Variants in WRNIP1 observed in about 807,000 individuals in gnomAD.
The protein encoded by WRNIP1 is ATPase WRNIP1.
Under a neutral mutation model 56.1 loss-of-function variants are expected in WRNIP1, and 41 were observed. The ratio of observed to expected loss-of-function variants is 0.73; its 90% confidence interval spans 0.57 to 0.95. The LOEUF is 0.95. WRNIP1 is among the 40% of genes least tolerant of loss of function. WRNIP1 has a pLI of 0.00. For synonymous variants in WRNIP1, 547 were observed against 398.1 expected (o/e 1.37, Z -4.45); for missense variants, 1,170 against 939.4 (o/e 1.25, Z -3.21).
At position 2,770,139 on chromosome 6, in the gene WRNIP1, T is replaced by G; in HGVS notation, c.1034T>G (p.Val345Gly). 6.2e-7 allele frequency: 1 copy of G among 1,614,212 alleles called. No homozygotes were observed. The highest frequency in any genetic ancestry group is 8.5e-7 in the Non-Finnish European group (1 of 1,180,016). ...KSQQDTFLPH[V>G]ECGTITLIGA... ...GATTAGGACACTTTCCTTCCTCACG[T>G]GGAATGTGGGACGATCACTCTGATT... Residue 345 changes from valine (V) to glycine (G), a missense_variant, in exon 3 of 7, where the codon GTG becomes GGG. Coordinates refer to ENST00000380773, the MANE Select transcript of WRNIP1 (RefSeq NM_020135.3).
At chr6:2,780,739 C>T (rs1192453842) in intron 4 of WRNIP1, among the ~76,000 whole-genome samples, 2 of 152,068 alleles carry the variant, frequency 1.3e-5, no homozygotes, top group African/African-American at 4.8e-5. Context: ...CTCACCATGC[C>T]GGGATCGCCA....
chr6:2,780,440 C>A (rs1327134765), intron 4 of WRNIP1, among the ~76,000 whole-genome samples: 1 of 152,146 alleles, frequency 6.6e-6, no homozygotes, highest in African/African-American at 2.4e-5. Context: ...CTGACCAAAG[C>A]TTTTTGGCTT....
chr6:2,783,020 A>C (rs908552518), intron 4 of WRNIP1, among the ~76,000 whole-genome samples: 3 of 152,142 alleles, frequency 2.0e-5, no homozygotes, highest in African/African-American at 7.2e-5. Flanking sequence ...GAGCAGGCCC[A>C]CCGTTGCTTT....
At chr6:2,780,709 T>C (rs1205586903) in intron 4 of WRNIP1, among the ~76,000 whole-genome samples, 2 of 152,156 alleles carry the variant, frequency 1.3e-5, no homozygotes, top group Admixed American at 6.5e-5. Context: ...AGAAAAAAGA[T>C]TTTAAGACAT....
Position 2,766,112 on chromosome 6 carries a change from G to A in WRNIP1, c.490G>A (p.Glu164Lys), listed in dbSNP as rs1764958149. ...CAGCTGGGACGAGGCGGAGGCGCAG[G>A]AGGAGGAGGAGGCCGTGGGCGACGG... The part of the protein sequence containing the change: ...PRSWDEAEAQ[E>K]EEEAVGDGDG... Residue 164 changes from glutamate to lysine, a missense_variant, in exon 1 of 7, where the codon GAG becomes AAG. Physicochemically the swap from Glu to Lys is moderately conservative, Grantham distance 56. Transcript: ENST00000380773. 3 of 1,307,640 alleles carry A rather than the reference G, an allele frequency of 2.3e-6. No homozygotes were observed. The highest frequency in any genetic ancestry group is 2.9e-6 in the Non-Finnish European group (3 of 1,034,760). The allele number at this position is 1,307,640 out of a possible 1,614,324, so 81.0% of individuals were successfully genotyped here. A position where few individuals can be genotyped will look rare whatever the true frequency, so the allele number is the denominator to read the frequency against.
At chr6:2,782,465 G>A (rs1561916675) in intron 4 of WRNIP1, among the ~76,000 whole-genome samples, 2 of 152,212 alleles carry the variant, frequency 1.3e-5, no homozygotes, top group South Asian at 2.1e-4. Flanking sequence ...TCTTACCAGC[G>A]AGCTCAGCTG....
chr6:2,765,954 A>G lies in WRNIP1; in HGVS notation c.332A>G (p.Tyr111Cys). ...GGCGAGACCGAGAGCCGCGAGAGCT[A>G]CGACGCGCCGCCCACACCCAGCGGC... is the stretch of plus-strand genomic sequence containing the variant. ...DGGETESRES[Y>C]DAPPTPSGAR... is the part of the protein sequence containing the mutation. Residue 111 changes from tyrosine (Y) to cysteine (C), a missense_variant, in exon 1 of 7, where the codon TAC becomes TGC. Transcript: ENST00000380773. 7.0e-7 allele frequency: 1 copy of G among 1,433,232 alleles called. No individual in the cohort carries two copies. The allele number at this position is 1,433,232 out of a possible 1,614,324, so 88.8% of individuals were successfully genotyped here.
intron 1 of WRNIP1, among the ~76,000 whole-genome samples, chr6:2,766,892 T>TGTG (rs1765031640): frequency 6.6e-6 from 1 of 152,232 alleles, no homozygotes; most frequent in Non-Finnish European, 1.5e-5. Flanking sequence ...TTAATTCTGT[T>TGTG]GTGCTTCCTT....
intron 5 of WRNIP1, 24 bp from the exon 6 acceptor site, chr6:2,784,300 C>G: frequency 1.2e-6 from 2 of 1,608,246 alleles, no homozygotes; most frequent in Non-Finnish European, 1.7e-6. Context: ...GACTGAAACT[C>G]TCCTTTGTCT....
rs1764926545 is a variant in WRNIP1 at position 2,765,813 on chromosome 6, C to T, written c.191C>T (p.Pro64Leu). 1.5e-6 allele frequency: 2 copies of T among 1,355,406 alleles called. No individual in the cohort carries two copies. Among genetic ancestry groups the T allele is most frequent in the South Asian group, 1.8e-5 (1 of 55,676 alleles). The allele number at this position is 1,355,406 out of a possible 1,614,324, so 84.0% of individuals were successfully genotyped here. ...SHRAGERAKG[P>L]SPPGAKRRRL... is the part of the protein sequence containing the mutation. ...CGCGCCGGGGAGCGGGCCAAGGGGC[C>T]CTCGCCGCCCGGCGCCAAGAGGCGG... The change falls in exon 1 of 7, where the codon CCC (proline) becomes CTC (leucine). Residue 64 changes from proline to leucine, a missense_variant. Transcript: ENST00000380773.
rs751887624 is a variant in WRNIP1 at position 2,765,745 on chromosome 6, G to C, written c.123G>C (p.Leu41=). Residue 41 remains leucine, a synonymous_variant, in exon 1 of 7, where the codon CTG becomes CTC. Transcript: ENST00000380773. ...HINSHLDRCL[L]LHPAGHAEPA... ...ACTCGCACCTGGACCGCTGTCTGCT[G>C]CTCCACCCGGCGGGGCACGCGGAGC... 1 of 1,507,176 alleles carries C rather than the reference G, an allele frequency of 6.6e-7. No homozygotes were observed. Among genetic ancestry groups the C allele is most frequent in the Non-Finnish European group, 8.8e-7 (1 of 1,134,652 alleles). The allele number at this position is 1,507,176 out of a possible 1,614,324, so 93.4% of individuals were successfully genotyped here. A position where few individuals can be genotyped will look rare whatever the true frequency, so the allele number is the denominator to read the frequency against.
At position 2,783,565 on chromosome 6, in the gene WRNIP1, A is replaced by T; in HGVS notation, c.1642+4A>T. On this transcript the variant is annotated splice_donor_region_variant and intron_variant, in intron 5 of 6. Coordinates refer to ENST00000380773, the MANE Select transcript of WRNIP1 (RefSeq NM_020135.3). Reference sequence around the variant, plus strand: ...AGGTTTGCCAGCGAGGACATAGGTGAGTGTGATGGGAGGGTCCCGGAGTCC... The same window carrying T: ...AGGTTTGCCAGCGAGGACATAGGTGTGTGTGATGGGAGGGTCCCGGAGTCC... The T allele has an allele frequency of 6.9e-7, 1 of 1,452,612 alleles. No individual in the cohort carries two copies. The highest frequency in any genetic ancestry group is 3.2e-5 in the East Asian group (1 of 31,038). The allele number at this position is 1,452,612 out of a possible 1,614,324, so 90.0% of individuals were successfully genotyped here. A position where few individuals can be genotyped will look rare whatever the true frequency, so the allele number is the denominator to read the frequency against.
intron 2 of WRNIP1, among the ~76,000 whole-genome samples, 165 bp from the exon 3 acceptor site, chr6:2,769,955 T>TC (rs1332945586): frequency 6.6e-6 from 1 of 152,124 alleles, no homozygotes; most frequent in African/African-American, 2.4e-5. Flanking sequence ...AGAGTTGTAC[T>TC]CCCCCAAATA....
Position 2,770,128 on chromosome 6 carries a change from C to T in WRNIP1, c.1023C>T (p.Phe341=). 1.2e-6 allele frequency: 2 copies of T among 1,614,230 alleles called. No individual in the cohort carries two copies. The highest frequency in any genetic ancestry group is 1.7e-6 in the Non-Finnish European group (2 of 1,180,048). ...TTTCCTCCCATGATTAGGACACTTTCCTTCCTCACGTGGAATGTGGGACGA... is the reference window on the plus strand; with the variant it reads ...TTTCCTCCCATGATTAGGACACTTTTCTTCCTCACGTGGAATGTGGGACGA... ...HRFNKSQQDT[F]LPHVECGTIT... Residue 341 remains phenylalanine, a synonymous_variant, in exon 3 of 7, where the codon TTC becomes TTT. Coordinates refer to ENST00000380773, the MANE Select transcript of WRNIP1 (RefSeq NM_020135.3).
At position 2,778,994 on chromosome 6, in the gene WRNIP1, GTC is replaced by G. The variant is rs1229187332; in HGVS notation, c.1257-267_1257-266del. On this transcript the variant is annotated intron_variant, in intron 3 of 6. Coordinates refer to ENST00000380773, the MANE Select transcript of WRNIP1 (RefSeq NM_020135.3). Reference sequence around the variant, plus strand: ...ACAGTGACTTTCCAGGCCAGTCAGTGTCTGTTTCACACAGACTTAGATGTATG... The same window carrying G: ...ACAGTGACTTTCCAGGCCAGTCAGTGTGTTTCACACAGACTTAGATGTATG... Among the ~76,000 whole-genome samples the G allele has an allele frequency of 5.3e-5, 8 of 152,208 alleles. No homozygotes were observed. The South Asian group carries it at 6.2e-4, about 12-fold the overall frequency.
At chr6:2,783,933 G>A (rs984519843) in intron 5 of WRNIP1, among the ~76,000 whole-genome samples, 1 of 152,088 alleles carries the variant, frequency 6.6e-6, no homozygotes, top group Non-Finnish European at 1.5e-5. Context: ...AGGTAGAAAT[G>A]GAAGACTCTA....
chr6:2,770,199 AC>A lies in WRNIP1; in HGVS notation c.1095del (p.Asn365LysfsTer5). The A allele has an allele frequency of 6.2e-7, 1 of 1,614,196 alleles. No individual in the cohort carries two copies. Among genetic ancestry groups the A allele is most frequent in the African/African-American group, 1.3e-5 (1 of 75,050 alleles). The stretch of plus-strand genomic sequence containing the variant: ...ACTGAAAACCCTTCCTTCCAGGTCA[AC>A]GCTGCTCTTCTGAGCCGCTGTCGAG... ...ATTENPSFQV[N>X]AALLSRCRVI... On this transcript the variant is annotated frameshift_variant, in exon 3 of 7. Coordinates refer to ENST00000380773, the MANE Select transcript of WRNIP1 (RefSeq NM_020135.3). LOFTEE classifies it high-confidence loss of function.
chr6:2,765,580 G>A lies in WRNIP1; in HGVS notation c.-43G>A. On this transcript the variant is annotated 5_prime_UTR_variant, in exon 1 of 7. Transcript: ENST00000380773. ...ATCGAAGGCCTCCGCGTGCGCACGGGTTGCTGCGGCCGCGCCGGGCGCCGG... is the reference window on the plus strand; with the variant it reads ...ATCGAAGGCCTCCGCGTGCGCACGGATTGCTGCGGCCGCGCCGGGCGCCGG... The A allele has an allele frequency of 1.4e-6, 2 of 1,443,012 alleles. No individual in the cohort carries two copies. The highest frequency in any genetic ancestry group is 9.1e-7 in the Non-Finnish European group (1 of 1,103,520). The allele number at this position is 1,443,012 out of a possible 1,614,324, so 89.4% of individuals were successfully genotyped here.
chr6:2,785,207 C>G lies in WRNIP1; in HGVS notation c.1923C>G (p.Tyr641Ter). 1 of 1,614,170 alleles carries G rather than the reference C, an allele frequency of 6.2e-7. No individual in the cohort carries two copies. The highest frequency in any genetic ancestry group is 8.5e-7 in the Non-Finnish European group (1 of 1,180,036). The stretch of plus-strand genomic sequence containing the variant: ...AAGGCTACAAGTACAACCCCATGTA[C>G]AGCGAGCCTGTGGATCAGGAGTACC... The part of the protein sequence containing the change: ...YGKGYKYNPM[Y>*]SEPVDQEYLP... The change falls in exon 7 of 7, where the codon TAC (tyrosine) becomes TAG (stop). Residue 641 changes from tyrosine to a stop codon, truncating the protein, a stop_gained. Coordinates refer to ENST00000380773, the MANE Select transcript of WRNIP1 (RefSeq NM_020135.3). LOFTEE classifies it high-confidence loss of function.
Sources: gnomAD v4.1 joint callset for allele counts (sites outside exome capture counted in the v4.1 genomes callset) on GRCh38, gnomAD v4.1.1 for gene constraint, MANE v1.5 for transcripts, NCBI Gene and HGNC (gene_info 2026-07-23, HGNC 2026-07-21) for gene names.